Variants in SCN10A observed in about 807,000 individuals in gnomAD.
SCN10A encodes sodium voltage-gated channel alpha subunit 10, also known as sodium channel protein type 10 subunit alpha.
A neutral mutation model predicts 170.7 loss-of-function variants in SCN10A; 162 were observed. The ratio of observed to expected loss-of-function variants is 0.95; its 90% CI spans 0.84 to 1.08. The LOEUF is 1.08. SCN10A is among the 50% of genes least tolerant of loss of function. SCN10A has a pLI of 0.00. For synonymous variants in SCN10A, 985 were observed against 904.6 expected (o/e 1.09, Z -1.59); for missense variants, 2,527 against 2,436.9 (o/e 1.04, Z -0.78).
chr3:38,719,693 ACT>A (rs2063370391), intron 20 of SCN10A, among the ~76,000 whole-genome samples: 1 of 151,824 alleles, frequency 6.6e-6, no homozygotes, highest in South Asian at 2.1e-4. Context: ...GCGCCCGGCC[ACT>A]CTTACAAGTG....
intron 21 of SCN10A, 73 bp downstream of exon 21, chr3:38,718,580 C>T: frequency 6.6e-7 from 1 of 1,516,934 alleles, no homozygotes. Context: ...CTCTGAGCTT[C>T]CTTTGCCCTA....
intron 12 of SCN10A, among the ~76,000 whole-genome samples, chr3:38,750,944 A>G (rs1281795303): frequency 6.6e-6 from 1 of 152,120 alleles, no homozygotes; most frequent in East Asian, 1.9e-4. Flanking sequence ...CTTTGACTTT[A>G]AGGCTCTGTT....
intron 25 of SCN10A, among the ~76,000 whole-genome samples, chr3:38,707,959 C>A (rs919191494): frequency 3.3e-5 from 5 of 152,156 alleles, no homozygotes; most frequent in Non-Finnish European, 7.3e-5. Context: ...AGAAACTGCA[C>A]CAACGAAGAT....
At chr3:38,737,755 TCC>T (rs1559433718) in intron 15 of SCN10A, among the ~76,000 whole-genome samples, 1 of 97,612 alleles carries the variant, frequency 1.0e-5, no homozygotes, top group Non-Finnish European at 2.0e-5. Context: ...CCTCTCTCTC[TCC>T]CTCCCTCCCT....
chr3:38,785,388 T>A (rs1215946871), intron 4 of SCN10A, among the ~76,000 whole-genome samples: 1 of 152,188 alleles, frequency 6.6e-6, no homozygotes, highest in Non-Finnish European at 1.5e-5. Context: ...GGGAAAGGAT[T>A]CCCTATTTAA....
At chr3:38,812,199 T>A (rs150778296) in intron 1 of SCN10A, among the ~76,000 whole-genome samples, 6 of 152,362 alleles carry the variant, frequency 3.9e-5, no homozygotes, top group African/African-American at 1.4e-4. Flanking sequence ...TCTTCTTGCT[T>A]GCTTTCTATA....
intron 4 of SCN10A, among the ~76,000 whole-genome samples, chr3:38,784,743 A>G (rs1160432656): frequency 6.6e-6 from 1 of 152,198 alleles, no homozygotes; most frequent in Non-Finnish European, 1.5e-5. Context: ...CCATCATCTC[A>G]GCCCAAAATC....
intron 8 of SCN10A, among the ~76,000 whole-genome samples, chr3:38,758,729 G>A (rs530503299): frequency 1.3e-4 from 20 of 152,140 alleles, no homozygotes; most frequent in Admixed American, 6.5e-4. Context: ...CCGTTATCCT[G>A]AGCTGGCCTC....
At chr3:38,788,860 A>G (rs2064242785) in intron 4 of SCN10A, 96 bp downstream of exon 4, 7 of 753,644 alleles carry the variant, frequency 9.3e-6, no homozygotes, top group Middle Eastern at 2.3e-4. Flanking sequence ...TACCCACATG[A>G]GGCATGGCAG....
intron 11 of SCN10A, among the ~76,000 whole-genome samples, chr3:38,752,786 T>C (rs955785989): frequency 6.6e-6 from 1 of 152,198 alleles, no homozygotes; most frequent in Admixed American, 6.5e-5. Context: ...GTCAGGAACA[T>C]GTCAGAGGAA....
At position 38,697,550 on chromosome 3, in the gene SCN10A, T is replaced by C; in HGVS notation, c.5670A>G (p.Pro1890=). ...CTGTGAATGCAACAAAACCTTCATCTGGGAGTGATGCAGCCTCCTCCTCAG... is the reference window on the plus strand; with the variant it reads ...CTGTGAATGCAACAAAACCTTCATCCGGGAGTGATGCAGCCTCCTCCTCAG... ...PRAEEEAASL[P]DEGFVAFTAN... Residue 1890 remains proline (P), a synonymous_variant, in exon 28 of 28, where the codon CCA becomes CCG. Transcript: ENST00000449082. The C allele has an allele frequency of 1.2e-6, 2 of 1,614,208 alleles. No individual in the cohort carries two copies. Among genetic ancestry groups the C allele is most frequent in the Non-Finnish European group, 1.7e-6 (2 of 1,180,048 alleles).
chr3:38,717,897 T>C (rs2063349138), intron 21 of SCN10A, among the ~76,000 whole-genome samples: 1 of 152,144 alleles, frequency 6.6e-6, no homozygotes, highest in South Asian at 2.1e-4. Context: ...AATGTGGTGG[T>C]TAAGATGAGG....
chr3:38,808,522 C>A (rs1307828609), intron 1 of SCN10A, among the ~76,000 whole-genome samples: 1 of 152,186 alleles, frequency 6.6e-6, no homozygotes, highest in Non-Finnish European at 1.5e-5. Flanking sequence ...TCCTCAGCAT[C>A]TAAAACAATG....
At chr3:38,760,506 G>A (rs539452689) in intron 8 of SCN10A, among the ~76,000 whole-genome samples, 175 bp downstream of exon 8, 159 of 152,322 alleles carry the variant, frequency 1.0e-3, no homozygotes, top group Middle Eastern at 3.4e-3. Context: ...GTTACACAGC[G>A]AAAGCTAACT....
intron 13 of SCN10A, among the ~76,000 whole-genome samples, chr3:38,745,424 A>G (rs1322359122): frequency 6.6e-6 from 1 of 152,048 alleles, no homozygotes; most frequent in African/African-American, 2.4e-5. Context: ...AGTCTCTCTT[A>G]TTCTCCCAGA....
At chr3:38,751,799 T>C (rs1374450978) in intron 12 of SCN10A, among the ~76,000 whole-genome samples, 3 of 152,216 alleles carry the variant, frequency 2.0e-5, no homozygotes, top group Non-Finnish European at 4.4e-5. Flanking sequence ...CCTAAGAAAC[T>C]TCCTGAATTT....
intron 4 of SCN10A, among the ~76,000 whole-genome samples, chr3:38,786,503 A>G (rs1057388855): frequency 4.6e-5 from 7 of 152,146 alleles, no homozygotes; most frequent in Admixed American, 3.9e-4. Context: ...GGGGAGGGAT[A>G]GCATTAGGAG....
Position 38,718,688 on chromosome 3 carries a change from T to C in SCN10A, c.3646A>G (p.Asn1216Asp). ...VAYGFKKYFT[N>D]AWCWLDFLIV... ...AGGAAGTCCAGCCAGCACCAGGCAT[T>C]GGTGAAGTACTTTTTGAAGCCATAG... Residue 1216 changes from asparagine (N) to aspartate (D), a missense_variant, in exon 21 of 28, where the codon AAT becomes GAT. Physicochemically the swap from Asn to Asp is conservative, Grantham distance 23 (BLOSUM62 1). Transcript: ENST00000449082. 1 of 1,614,172 alleles carries C rather than the reference T, an allele frequency of 6.2e-7. No individual in the cohort carries two copies. The highest frequency in any genetic ancestry group is 8.5e-7 in the Non-Finnish European group (1 of 1,180,028).
At chr3:38,707,522 G>A in intron 25 of SCN10A, 139 bp from the exon 26 acceptor site, 1 of 826,748 alleles carries the variant, frequency 1.2e-6, no homozygotes, top group South Asian at 1.7e-5. Flanking sequence ...GCATCAAGGA[G>A]TGTCTTGCCA....
Sources: allele counts gnomAD v4.1 joint callset (sites outside exome capture counted in the v4.1 genomes callset), GRCh38; gene constraint gnomAD v4.1.1; transcripts MANE v1.5; gene names NCBI Gene and HGNC (gene_info 2026-07-23, HGNC 2026-07-21).